The following NDUFS4 variants were observed in gnomAD, a reference collection of about 807,000 sequenced individuals.
NDUFS4 encodes NADH dehydrogenase [ubiquinone] iron-sulfur protein 4, mitochondrial.
In NDUFS4, 28 loss-of-function variants were observed where a neutral mutation model predicts 24.3. The ratio of observed to expected loss-of-function variants is 1.15; its 90% CI spans 0.85 to 1.58. The LOEUF (loss-of-function observed/expected upper bound fraction) is 1.58. Ranked by LOEUF, NDUFS4 falls within the 40% of genes most tolerant of loss-of-function variation. The pLI is 0.00. For synonymous variants in NDUFS4, 93 were observed against 69.7 expected (o/e 1.34, Z -1.67); for missense variants, 223 against 207.9 (o/e 1.07, Z -0.45).
chr5:53,631,719 A>T (rs1457394871), intron 2 of NDUFS4, among the ~76,000 whole-genome samples: 1 of 151,878 alleles, frequency 6.6e-6, no homozygotes, highest in Non-Finnish European at 1.5e-5. Flanking sequence ...GGCGGACTCC[A>T]CTCCCACCAC....
chr5:53,644,630 A>G (rs1005933004), intron 2 of NDUFS4, among the ~76,000 whole-genome samples: 7 of 152,096 alleles, frequency 4.6e-5, no homozygotes, highest in African/African-American at 1.7e-4. Flanking sequence ...GAAATTACCA[A>G]TTAAAGTATT....
At chr5:53,626,719 G>A (rs1751238370) in intron 2 of NDUFS4, among the ~76,000 whole-genome samples, 1 of 152,070 alleles carries the variant, frequency 6.6e-6, no homozygotes, top group Admixed American at 6.5e-5. Context: ...CCCACTTTTT[G>A]ATGGGGCTGT....
At chr5:53,564,587 T>C (rs1748958842) in intron 1 of NDUFS4, among the ~76,000 whole-genome samples, 1 of 152,236 alleles carries the variant, frequency 6.6e-6, no homozygotes, top group African/African-American at 2.4e-5. Context: ...TTGCTCAGGC[T>C]GGAGTGCAGT....
chr5:53,655,367 T>A (rs999058126), intron 3 of NDUFS4, among the ~76,000 whole-genome samples: 9 of 126,370 alleles, frequency 7.1e-5, no homozygotes, highest in African/African-American at 2.9e-4. Context: ...GTTTTGCCTA[T>A]TTTTTTTTTT....
At position 53,603,588 on chromosome 5, in the gene NDUFS4, A is replaced by G. The variant is rs1388860417; in HGVS notation, c.177+58A>G. 6 of 1,334,778 alleles carry G rather than the reference A, an allele frequency of 4.5e-6. No homozygotes were observed. In the South Asian group the frequency reaches 5.9e-5, roughly 13 times the overall value. 82.7% of individuals were successfully genotyped at this position (1,334,778 alleles called of 1,614,324 possible). A position where few individuals can be genotyped will look rare whatever the true frequency, so the allele number is the denominator to read the frequency against. On this transcript the variant is annotated intron_variant, in intron 2 of 4. Coordinates refer to ENST00000296684, the MANE Select transcript of NDUFS4 (RefSeq NM_002495.4). ...CTGCCTTCAGGGTTATTTTTGTACT[A>G]TAGATATTCAGTATGGTGTTCCAGG...
chr5:53,674,384 C>T (rs759730981), intron 4 of NDUFS4, among the ~76,000 whole-genome samples: 4 of 152,162 alleles, frequency 2.6e-5, no homozygotes, highest in Non-Finnish European at 4.4e-5. Context: ...TTATGGTCTA[C>T]TTCAAGGTAC....
At chr5:53,661,936 C>T (rs959295709) in intron 4 of NDUFS4, among the ~76,000 whole-genome samples, 3 of 142,738 alleles carry the variant, frequency 2.1e-5, no homozygotes, top group African/African-American at 8.6e-5. Flanking sequence ...ACCATGTCAT[C>T]TGCAAACAGG....
At chr5:53,592,716 T>A (rs1419646345) in intron 1 of NDUFS4, among the ~76,000 whole-genome samples, 1 of 152,220 alleles carries the variant, frequency 6.6e-6, no homozygotes, top group East Asian at 1.9e-4. Context: ...AGTCTATTTC[T>A]GTTCCATTCA....
intron 2 of NDUFS4, among the ~76,000 whole-genome samples, chr5:53,616,721 G>T: frequency 6.6e-6 from 1 of 152,098 alleles, no homozygotes; most frequent in Non-Finnish European, 1.5e-5. Flanking sequence ...AATATTATTT[G>T]AATTATAATG....
intron 4 of NDUFS4, among the ~76,000 whole-genome samples, chr5:53,680,244 T>C (rs896447190): frequency 6.6e-6 from 1 of 152,126 alleles, no homozygotes; most frequent in Non-Finnish European, 1.5e-5. Flanking sequence ...ACCTATAAAC[T>C]CTGTACATAA....
At chr5:53,606,467 A>G (rs903827055) in intron 2 of NDUFS4, among the ~76,000 whole-genome samples, 1 of 151,916 alleles carries the variant, frequency 6.6e-6, no homozygotes, top group African/African-American at 2.4e-5. Flanking sequence ...TCCCAGTTCA[A>G]GTGATTCTTA....
chr5:53,603,916 G>GCAA (rs1206935309), intron 2 of NDUFS4, among the ~76,000 whole-genome samples: 1 of 152,002 alleles, frequency 6.6e-6, no homozygotes, highest in Non-Finnish European at 1.5e-5. Flanking sequence ...TTGGAAGCAT[G>GCAA]CAACATTTAT....
intron 1 of NDUFS4, among the ~76,000 whole-genome samples, chr5:53,597,527 G>A (rs1221951080): frequency 6.6e-6 from 1 of 152,168 alleles, no homozygotes; most frequent in Admixed American, 6.5e-5. Context: ...GTATTAGTAC[G>A]TTGGGTCAGT....
chr5:53,678,283 T>A (rs1435391100), intron 4 of NDUFS4, among the ~76,000 whole-genome samples: 1 of 152,238 alleles, frequency 6.6e-6, no homozygotes, highest in Non-Finnish European at 1.5e-5. Context: ...TCTCTGATAC[T>A]AGGGCTTAAA....
At chr5:53,605,457 T>A (rs913821520) in intron 2 of NDUFS4, among the ~76,000 whole-genome samples, 38 of 152,210 alleles carry the variant, frequency 2.5e-4, no homozygotes, top group Admixed American at 1.3e-4. Flanking sequence ...CAGTAATACA[T>A]TGCCCTAAAC....
chr5:53,570,684 CTT>C (rs70983360), intron 1 of NDUFS4, among the ~76,000 whole-genome samples: 22 of 119,848 alleles, frequency 1.8e-4, no homozygotes, highest in South Asian at 2.8e-4. Context: ...ATTTTTTTTT[CTT>C]TTTTTTTTTT....
chr5:53,620,959 AGT>A (rs1751016071), intron 2 of NDUFS4, among the ~76,000 whole-genome samples: 1 of 152,200 alleles, frequency 6.6e-6, no homozygotes. Flanking sequence ...TTAAGTTTTA[AGT>A]TGACTAATAG....
chr5:53,585,679 T>G (rs60879688), intron 1 of NDUFS4, among the ~76,000 whole-genome samples: 5,386 of 151,872 alleles, frequency 0.035, 335 homozygotes, highest in African/African-American at 0.12. Flanking sequence ...GAGGCGGAGG[T>G]TGCGGTGAGC....
chr5:53,629,973 T>C (rs569894694), intron 2 of NDUFS4, among the ~76,000 whole-genome samples: 29 of 152,288 alleles, frequency 1.9e-4, no homozygotes, highest in African/African-American at 6.7e-4. Context: ...TTCATAGCGC[T>C]GATGGTCTTC....
Sources: gnomAD v4.1 joint callset for allele counts (sites outside exome capture counted in the v4.1 genomes callset) on GRCh38, gnomAD v4.1.1 for gene constraint, MANE v1.5 for transcripts, NCBI Gene and HGNC (gene_info 2026-07-23, HGNC 2026-07-21) for gene names.